The following INPP4B variants were observed in gnomAD, a reference collection of about 807,000 sequenced individuals.
INPP4B encodes the protein inositol polyphosphate-4-phosphatase type II B, also known as inositol polyphosphate 4-phosphatase type II.
In INPP4B, 55 loss-of-function variants were observed where a neutral mutation model predicts 122.5. The observed-to-expected ratio is 0.45, with a 90% CI of 0.36 to 0.56. The LOEUF (loss-of-function observed/expected upper bound fraction) is 0.56, where lower values mean the gene tolerates loss of function less well. Among genes scored for constraint, INPP4B ranks in the 20% least tolerant of loss-of-function variants. The probability of loss-of-function intolerance (pLI) is 0.00; values close to 1 mark genes in which losing one functional copy is unlikely to be tolerated. For synonymous variants in INPP4B, 403 were observed against 388.7 expected, an observed-to-expected ratio of 1.04 and a Z score of -0.43; for missense variants, 1,000 against 1,097.7, an observed-to-expected ratio of 0.91 and a Z score of 1.26.
chr4:142,523,330 A>G (rs1013844870), intron 2 of INPP4B, among the ~76,000 whole-genome samples: 3 of 152,144 alleles, frequency 2.0e-5, no homozygotes, highest in Non-Finnish European at 4.4e-5. Flanking sequence ...TTGGAGTATG[A>G]TGAGTGGGAG....
intron 18 of INPP4B, among the ~76,000 whole-genome samples, chr4:142,136,096 G>A (rs907848998): frequency 3.3e-5 from 5 of 152,116 alleles, no homozygotes; most frequent in African/African-American, 4.8e-5. Context: ...CGTGCCCGGA[G>A]GGTGCTTTTT....
rs552099763 is a variant in INPP4B, at chr4:142,634,094, C to A, written c.-191+91745G>T. 2.6e-5 allele frequency among the ~76,000 whole-genome samples: 4 copies of A among 152,026 alleles called. No homozygotes were observed. In the South Asian group the frequency reaches 8.3e-4, roughly 32 times the overall value. On this transcript the variant is annotated intron_variant, in intron 2 of 25. Transcript: ENST00000262992. ...GGGAGATATTAGAAACACTTTAATGCAGATAAATTCAGCAACTTAAGAGAA... is the reference window on the plus strand; with the variant it reads ...GGGAGATATTAGAAACACTTTAATGAAGATAAATTCAGCAACTTAAGAGAA...
chr4:142,133,126 T>C (rs1209924022), intron 18 of INPP4B, among the ~76,000 whole-genome samples: 1 of 152,222 alleles, frequency 6.6e-6, no homozygotes, highest in East Asian at 1.9e-4. Context: ...TGCTGGTTCC[T>C]TCACTTATTT....
intron 1 of INPP4B, among the ~76,000 whole-genome samples, chr4:142,730,248 T>C (rs574497006): frequency 6.6e-6 from 1 of 152,320 alleles, no homozygotes; most frequent in Non-Finnish European, 1.5e-5. Flanking sequence ...TAGTATCTGA[T>C]AGCTATTGCT....
At chr4:142,492,803 C>T (rs1040440213) in intron 2 of INPP4B, among the ~76,000 whole-genome samples, 1 of 152,122 alleles carries the variant, frequency 6.6e-6, no homozygotes, top group Non-Finnish European at 1.5e-5. Context: ...GGGAGAAATC[C>T]AAGCTTGCTG....
At chr4:142,248,805 T>C (rs1001669833) in intron 11 of INPP4B, among the ~76,000 whole-genome samples, 1 of 150,350 alleles carries the variant, frequency 6.7e-6, no homozygotes, top group African/African-American at 2.5e-5. Context: ...TATAATGAAT[T>C]TTTTTTCTAC....
At chr4:142,442,097 T>G (rs1811849445) in intron 3 of INPP4B, among the ~76,000 whole-genome samples, 1 of 152,066 alleles carries the variant, frequency 6.6e-6, no homozygotes, top group East Asian at 1.9e-4. Flanking sequence ...TCAACCCAAC[T>G]TCAAAAGCAT....
chr4:142,198,255 T>C (rs2149414584), intron 14 of INPP4B, among the ~76,000 whole-genome samples: 1 of 152,190 alleles, frequency 6.6e-6, no homozygotes, highest in East Asian at 1.9e-4. Flanking sequence ...TAATTTCCTG[T>C]GAATATTTAA....
At chr4:142,797,719 T>C (rs1777453105) in intron 1 of INPP4B, among the ~76,000 whole-genome samples, 2 of 151,964 alleles carry the variant, frequency 1.3e-5, no homozygotes, top group Admixed American at 1.3e-4. Flanking sequence ...ATTTTTATCA[T>C]TAAATGTTAT....
chr4:142,459,065 T>G (rs1044520438), intron 3 of INPP4B, among the ~76,000 whole-genome samples: 1 of 152,166 alleles, frequency 6.6e-6, no homozygotes, highest in Admixed American at 6.5e-5. Context: ...CAGCCTAAAT[T>G]CATTCCACCA....
intron 7 of INPP4B, among the ~76,000 whole-genome samples, chr4:142,378,287 C>T (rs1323502984): frequency 6.6e-6 from 1 of 152,120 alleles, no homozygotes; most frequent in East Asian, 1.9e-4. Flanking sequence ...AATCTGTGAG[C>T]AAACAGAGTT....
At chr4:142,403,489 A>T (rs970978730) in intron 6 of INPP4B, among the ~76,000 whole-genome samples, 1 of 152,168 alleles carries the variant, frequency 6.6e-6, no homozygotes, top group African/African-American at 2.4e-5. Context: ...TAATGATTCA[A>T]TTGAAAATCA....
At chr4:142,242,230 T>C (rs549249365) in intron 11 of INPP4B, among the ~76,000 whole-genome samples, 1 of 152,112 alleles carries the variant, frequency 6.6e-6, no homozygotes, top group Non-Finnish European at 1.5e-5. Context: ...CTGAGAAATC[T>C]AAACAGAAAT....
chr4:142,188,545 A>C (rs1055279294), intron 15 of INPP4B, among the ~76,000 whole-genome samples: 12 of 148,368 alleles, frequency 8.1e-5, no homozygotes, highest in Non-Finnish European at 1.3e-4. Context: ...TTATGAGTTC[A>C]TACAAAATAG....
chr4:142,112,408 T>G (rs1483931510), intron 22 of INPP4B, 134 bp downstream of exon 22: 9 of 949,386 alleles, frequency 9.5e-6, no homozygotes, highest in Non-Finnish European at 1.4e-5. Context: ...TCTCAAATAA[T>G]TTGATACTGA....
At chr4:142,522,456 T>C (rs1826218076) in intron 2 of INPP4B, among the ~76,000 whole-genome samples, 1 of 150,612 alleles carries the variant, frequency 6.6e-6, no homozygotes, top group African/African-American at 2.4e-5. Context: ...GACATCCTCA[T>C]GCATCAACCT....
At chr4:142,321,611 T>A (rs1412776191) in intron 7 of INPP4B, among the ~76,000 whole-genome samples, 1 of 152,178 alleles carries the variant, frequency 6.6e-6, no homozygotes, top group Non-Finnish European at 1.5e-5. Flanking sequence ...GTGTATGAGG[T>A]CAGAGATAAG....
intron 2 of INPP4B, among the ~76,000 whole-genome samples, chr4:142,710,593 A>G (rs1762999748): frequency 6.6e-6 from 1 of 152,210 alleles, no homozygotes; most frequent in Non-Finnish European, 1.5e-5. Flanking sequence ...TCATGTAACA[A>G]AATATTATTT....
chr4:142,298,643 C>T (rs1759891289), intron 9 of INPP4B, among the ~76,000 whole-genome samples: 1 of 117,418 alleles, frequency 8.5e-6, no homozygotes, highest in South Asian at 2.8e-4. Context: ...GACATTGCAC[C>T]ATTGAACTCC....
Sources: gnomAD v4.1 joint callset for allele counts (sites outside exome capture counted in the v4.1 genomes callset) on GRCh38, gnomAD v4.1.1 for gene constraint, MANE v1.5 for transcripts, NCBI Gene and HGNC (gene_info 2026-07-23, HGNC 2026-07-21) for gene names.